Variants in DGKG observed in about 807,000 individuals in gnomAD.
DGKG encodes the protein diacylglycerol kinase gamma.
A neutral mutation model predicts 105.3 loss-of-function variants in DGKG; 78 were observed. The ratio of observed to expected loss-of-function variants is 0.74; its 90% CI spans 0.62 to 0.89. The LOEUF (loss-of-function observed/expected upper bound fraction) is 0.89, where lower values mean the gene tolerates loss of function less well. Among genes scored for constraint, DGKG ranks in the 40% least tolerant of loss-of-function variants. The probability of loss-of-function intolerance (pLI) is 0.00; values close to 1 mark genes in which losing one functional copy is unlikely to be tolerated. For missense variants in DGKG, 958 were observed against 1,020.1 expected (o/e 0.94, Z 0.83); for synonymous variants, 346 against 367.1 (o/e 0.94, Z 0.66).
At chr3:186,160,741 G>T in intron 24 of DGKG, 1 of 985,346 alleles carries the variant, frequency 1.0e-6, no homozygotes, top group Non-Finnish European at 1.2e-6. Flanking sequence ...AGGGTATTAC[G>T]CATGTAGTAT....
intron 3 of DGKG, among the ~76,000 whole-genome samples, chr3:186,302,755 GAT>G (rs1306658133): frequency 6.6e-6 from 1 of 151,820 alleles, no homozygotes; most frequent in Non-Finnish European, 1.5e-5. Flanking sequence ...AAGAGGTAAA[GAT>G]ATTGAAATAA....
intron 20 of DGKG, among the ~76,000 whole-genome samples, chr3:186,240,093 A>G (rs1257512363): frequency 2.6e-5 from 4 of 152,114 alleles, no homozygotes; most frequent in African/African-American, 9.7e-5. Context: ...TGCCGAGACC[A>G]TACAACTGAT....
intron 1 of DGKG, among the ~76,000 whole-genome samples, chr3:186,339,076 T>C (rs990095462): frequency 6.6e-6 from 1 of 152,220 alleles, no homozygotes; most frequent in African/African-American, 2.4e-5. Flanking sequence ...GGACTTATTC[T>C]ACCTTGAAAT....
At chr3:186,333,446 T>C (rs1038067542) in intron 1 of DGKG, among the ~76,000 whole-genome samples, 1 of 152,124 alleles carries the variant, frequency 6.6e-6, no homozygotes, top group Non-Finnish European at 1.5e-5. Context: ...AGTAAAACAT[T>C]ATAGGGAAGC....
intron 1 of DGKG, among the ~76,000 whole-genome samples, chr3:186,332,757 G>A (rs1725659305): frequency 6.6e-6 from 1 of 152,166 alleles, no homozygotes; most frequent in Non-Finnish European, 1.5e-5. Flanking sequence ...CAAAATTCAT[G>A]TTGAAATTTA....
chr3:186,355,200 C>CCAA (rs1726856811), intron 1 of DGKG, among the ~76,000 whole-genome samples: 1 of 150,522 alleles, frequency 6.6e-6, no homozygotes, highest in African/African-American at 2.4e-5. Context: ...ATCAATACCA[C>CCAA]CACCAACACC....
Position 186,326,398 on chromosome 3 carries a change from TA to T in DGKG, c.-248-5692del, listed in dbSNP as rs903223104. Among the ~76,000 whole-genome samples, 16 of 145,488 alleles carry T rather than the reference TA, an allele frequency of 1.1e-4. 1 individual carries two copies. Among genetic ancestry groups the T allele is most frequent in the South Asian group, 4.4e-4 (2 of 4,572 alleles). ...TGGGTGACAGAGTGAGACACTGTCT[TA>T]AAAAAAAAATAGATGTATGTACACA... On this transcript the variant is annotated intron_variant, in intron 1 of 24. Transcript: ENST00000265022.
intron 21 of DGKG, among the ~76,000 whole-genome samples, chr3:186,199,055 C>G (rs955537015): frequency 6.6e-6 from 1 of 152,100 alleles, no homozygotes; most frequent in Non-Finnish European, 1.5e-5. Context: ...TCAAGGGATT[C>G]TCCTGCCTCA....
intron 5 of DGKG, among the ~76,000 whole-genome samples, chr3:186,293,125 A>G (rs910137324): frequency 6.6e-6 from 1 of 152,134 alleles, no homozygotes. Flanking sequence ...TCAACACATC[A>G]TTATCTCCTG....
At chr3:186,189,017 G>C (rs1010431852) in intron 21 of DGKG, among the ~76,000 whole-genome samples, 4 of 151,956 alleles carry the variant, frequency 2.6e-5, no homozygotes, top group African/African-American at 9.7e-5. Context: ...GTTTCACTAC[G>C]TTGGCCAGGA....
At chr3:186,189,034 C>T (rs1174628832) in intron 21 of DGKG, among the ~76,000 whole-genome samples, 2 of 151,930 alleles carry the variant, frequency 1.3e-5, no homozygotes, top group South Asian at 2.1e-4. Context: ...AGGATGGTCT[C>T]GATCTCCTGA....
At chr3:186,260,321 A>G in intron 16 of DGKG, 118 bp downstream of exon 16, 1 of 740,718 alleles carries the variant, frequency 1.4e-6, no homozygotes, top group Non-Finnish European at 2.3e-6. Context: ...AAGGGAGTAA[A>G]ATGGCAGGAA....
chr3:186,152,414 T>C (rs1715805433), intron 24 of DGKG, among the ~76,000 whole-genome samples: 1 of 152,232 alleles, frequency 6.6e-6, no homozygotes, highest in South Asian at 2.1e-4. Flanking sequence ...TTTGTTCCCC[T>C]GTGGAACACG....
rs912940716 is a variant in DGKG, at chr3:186,148,569, C to G, written c.*1521G>C. On this transcript the variant is annotated 3_prime_UTR_variant, in exon 25 of 25. Transcript: ENST00000265022. ...TCACTTTTCAGTGACCAGAAATGAC[C>G]CTACTCTGAGATGTGTGGGTTCTTT... 2.6e-5 allele frequency: 26 copies of G among 985,276 alleles called. No homozygotes were observed. The African/African-American group carries it at 4.0e-4, about 15-fold the overall frequency. 61.0% of individuals were successfully genotyped at this position (985,276 alleles called of 1,614,324 possible). A position where few individuals can be genotyped will look rare whatever the true frequency, so the allele number is the denominator to read the frequency against.
chr3:186,161,495 C>T lies in DGKG; in HGVS notation c.2277+108G>A, dbSNP rs1455379798. The T allele has an allele frequency of 5.1e-6, 8 of 1,556,348 alleles. No homozygotes were observed. The East Asian group carries it at 9.1e-5, about 18-fold the overall frequency. ...AAGAGGGGTTGCACTAGATAATCTT[C>T]CACAGTCCCTGTGACTCTGAGATTC... On this transcript the variant is annotated intron_variant, in intron 24 of 24. Coordinates refer to ENST00000265022, the MANE Select transcript of DGKG (RefSeq NM_001346.3).
intron 5 of DGKG, among the ~76,000 whole-genome samples, chr3:186,296,959 A>T (rs986403380): frequency 2.0e-5 from 3 of 152,090 alleles, no homozygotes; most frequent in Admixed American, 2.0e-4. Flanking sequence ...CAACAAGGGC[A>T]CATTTTTACC....
chr3:186,283,559 C>A (rs1211970887), intron 7 of DGKG, among the ~76,000 whole-genome samples: 1 of 152,178 alleles, frequency 6.6e-6, no homozygotes, highest in Admixed American at 6.5e-5. Context: ...TTCTTCTCAG[C>A]ACCCATCCCT....
At chr3:186,157,535 G>A (rs1399021981) in intron 24 of DGKG, among the ~76,000 whole-genome samples, 7 of 152,104 alleles carry the variant, frequency 4.6e-5, no homozygotes, top group Admixed American at 3.3e-4. Flanking sequence ...ACCTAAATAC[G>A]TATTTCCTAG....
chr3:186,171,430 C>T (rs1225077592), intron 22 of DGKG, among the ~76,000 whole-genome samples: 1 of 152,134 alleles, frequency 6.6e-6, no homozygotes, highest in African/African-American at 2.4e-5. Flanking sequence ...CCTGCAAATA[C>T]CAAAACAGAT....
Sources: allele counts gnomAD v4.1 joint callset (sites outside exome capture counted in the v4.1 genomes callset), GRCh38; gene constraint gnomAD v4.1.1; transcripts MANE v1.5; gene names NCBI Gene and HGNC (gene_info 2026-07-23, HGNC 2026-07-21).